TAFA5: variants seen among roughly 807,000 people sequenced by gnomAD.
TAFA5 encodes chemokine-like protein TAFA-5.
A neutral mutation model predicts 15.3 loss-of-function variants in TAFA5; 6 were observed. The ratio of observed to expected loss-of-function variants is 0.39; its 90% CI spans 0.21 to 0.77. TAFA5 has a LOEUF of 0.77. Ranked by LOEUF, TAFA5 falls within the 30% of genes least tolerant of loss-of-function variation. The pLI is 0.41. For missense variants in TAFA5, 161 were observed against 193.1 expected, an observed-to-expected ratio of 0.83 and a Z score of 0.98; for synonymous variants, 103 against 80.7, an observed-to-expected ratio of 1.28 and a Z score of -1.48.
intron 2 of TAFA5, among the ~76,000 whole-genome samples, chr22:48,694,114 A>G (rs1928627422): frequency 6.6e-6 from 1 of 152,206 alleles, no homozygotes; most frequent in African/African-American, 2.4e-5. Context: ...CCTTGGGCAG[A>G]CTTCTTGAGC....
rs549040701 is a variant in TAFA5, at chr22:48,627,066, C to T, written c.113-19531C>T. 7.2e-5 allele frequency among the ~76,000 whole-genome samples: 11 copies of T among 152,322 alleles called. No individual in the cohort carries two copies. The South Asian group carries it at 1.9e-3, about 26-fold the overall frequency. On this transcript the variant is annotated intron_variant, in intron 1 of 3. Transcript: ENST00000402357. ...GCAGCCCCTCCTGGTGATCCTGCAG[C>T]TTCCTCTGTTTCCTGTAATCTGCCG...
rs192562056 is a variant in TAFA5, at chr22:48,643,023, G to T, written c.113-3574G>T. ...CTCATTTGGGGAATGGGACCCTGGG[G>T]TTGGGGTGAGTCCTGGGCCAGCCCC... is the stretch of plus-strand genomic sequence containing the variant. On this transcript the variant is annotated intron_variant, in intron 1 of 3. Transcript: ENST00000402357. Among the ~76,000 whole-genome samples, 85 of 152,320 alleles carry T rather than the reference G, an allele frequency of 5.6e-4. No homozygotes were observed. In the East Asian group the frequency reaches 0.014, roughly 25 times the overall value.
At chr22:48,505,847 C>A (rs1277020958) in intron 1 of TAFA5, among the ~76,000 whole-genome samples, 3 of 152,200 alleles carry the variant, frequency 2.0e-5, no homozygotes, top group Admixed American at 6.5e-5. Flanking sequence ...ACACAGATTA[C>A]AATCTGCAAA....
chr22:48,511,601 C>CA (rs1921213736), intron 1 of TAFA5, among the ~76,000 whole-genome samples: 1 of 152,228 alleles, frequency 6.6e-6, no homozygotes, highest in Non-Finnish European at 1.5e-5. Context: ...CTCCAACAGA[C>CA]AGAGGCGTCT....
At chr22:48,711,349 G>T (rs1385703449) in intron 3 of TAFA5, among the ~76,000 whole-genome samples, 1 of 151,874 alleles carries the variant, frequency 6.6e-6, no homozygotes. Context: ...TGTATACATG[G>T]GCCGCGGATG....
chr22:48,540,596 C>CT (rs35003128), intron 1 of TAFA5, among the ~76,000 whole-genome samples: 8,176 of 144,150 alleles, frequency 0.057, 688 homozygotes, highest in East Asian at 0.42. Flanking sequence ...AGGAGTTTGC[C>CT]TTTTTTTTTT....
intron 1 of TAFA5, among the ~76,000 whole-genome samples, chr22:48,556,305 G>C (rs1923036485): frequency 6.6e-6 from 1 of 152,204 alleles, no homozygotes; most frequent in Non-Finnish European, 1.5e-5. Context: ...CCCCTCTGGG[G>C]TTTGCCAAGC....
chr22:48,521,862 C>T (rs1338947977), intron 1 of TAFA5, among the ~76,000 whole-genome samples: 4 of 152,122 alleles, frequency 2.6e-5, no homozygotes, highest in Admixed American at 2.0e-4. Context: ...GAGTTGACAT[C>T]GGGGCCAGGA....
At chr22:48,528,369 TC>T (rs556659292) in intron 1 of TAFA5, among the ~76,000 whole-genome samples, 163 of 152,108 alleles carry the variant, frequency 1.1e-3, no homozygotes, top group African/African-American at 3.7e-3. Flanking sequence ...GGGGGTCCAT[TC>T]CCCGATGCCT....
rs74783095 is a variant in TAFA5, at chr22:48,712,984, A to G, written c.390+5140A>G. 2.3e-3 allele frequency among the ~76,000 whole-genome samples: 346 copies of G among 152,332 alleles called. 1 individual carries two copies. The highest frequency in any genetic ancestry group is 7.1e-3 in the African/African-American group (296 of 41,570). ...ACCACACATGCAACTGGCTTTTGGAAATATTCTCATCAGTGTTTGCTCAGC... is the reference window on the plus strand; with the variant it reads ...ACCACACATGCAACTGGCTTTTGGAGATATTCTCATCAGTGTTTGCTCAGC... On this transcript the variant is annotated intron_variant, in intron 3 of 3. Transcript: ENST00000402357.
intron 1 of TAFA5, among the ~76,000 whole-genome samples, chr22:48,588,421 G>A (rs1453353156): frequency 6.6e-6 from 1 of 152,194 alleles, no homozygotes; most frequent in African/African-American, 2.4e-5. Context: ...TGCCCGTCCT[G>A]AAAGGCTCTG....
chr22:48,727,588 G>A (rs998992599), intron 3 of TAFA5, among the ~76,000 whole-genome samples: 19 of 152,090 alleles, frequency 1.2e-4, no homozygotes, highest in Admixed American at 5.9e-4. Flanking sequence ...CATAGTGTTC[G>A]GATAGAATGT....
chr22:48,593,243 G>A (rs919035523), intron 1 of TAFA5, among the ~76,000 whole-genome samples: 2 of 152,200 alleles, frequency 1.3e-5, no homozygotes, highest in Admixed American at 6.5e-5. Flanking sequence ...ATAAAGCGGA[G>A]CATTGGAGCT....
intron 1 of TAFA5, among the ~76,000 whole-genome samples, chr22:48,585,301 A>G (rs1462337183): frequency 6.6e-6 from 1 of 151,352 alleles, no homozygotes; most frequent in Non-Finnish European, 1.5e-5. Context: ...CACATAAAAT[A>G]CACCACATAC....
intron 1 of TAFA5, among the ~76,000 whole-genome samples, chr22:48,523,819 G>A (rs1201881612): frequency 6.6e-6 from 1 of 152,218 alleles, no homozygotes; most frequent in Non-Finnish European, 1.5e-5. Flanking sequence ...GCCAGTCTGG[G>A]TGTGGACGCA....
At chr22:48,633,551 T>C (rs867728000) in intron 1 of TAFA5, among the ~76,000 whole-genome samples, 6 of 143,038 alleles carry the variant, frequency 4.2e-5, no homozygotes, top group East Asian at 2.0e-4. Context: ...TCTCTCTCTC[T>C]CTCTCTCCAT....
intron 1 of TAFA5, among the ~76,000 whole-genome samples, chr22:48,504,853 G>C (rs1296801877): frequency 6.6e-6 from 1 of 152,344 alleles, no homozygotes; most frequent in African/African-American, 2.4e-5. Context: ...TGCCAGGGCA[G>C]GGTGGGGCAG....
chr22:48,585,643 A>G (rs1924324081), intron 1 of TAFA5, among the ~76,000 whole-genome samples: 1 of 151,016 alleles, frequency 6.6e-6, no homozygotes, highest in African/African-American at 2.4e-5. Context: ...CATCACACAC[A>G]CACTATGCAT....
chr22:48,655,832 T>TTTTTTTG lies in TAFA5; in HGVS notation c.262+9092_262+9093insGTTTTTT. ...CTTCCTGAAGCCAAACACTGATTCT[T>TTTTTTTG]TTTTTTTTTTTTTTTTTTTTTTTTT... On this transcript the variant is annotated intron_variant, in intron 2 of 3. Transcript: ENST00000402357. Among the ~76,000 whole-genome samples the TTTTTTTG allele has an allele frequency of 9.2e-5, 8 of 86,582 alleles. 3 individuals are homozygous for TTTTTTTG. The highest frequency in any genetic ancestry group is 4.6e-5 in the Non-Finnish European group (2 of 43,614). The allele number at this position is 86,582 out of a possible 152,430, so 56.8% of individuals were successfully genotyped here. A position where few individuals can be genotyped will look rare whatever the true frequency, so the allele number is the denominator to read the frequency against.
Sources: allele counts gnomAD v4.1 joint callset (sites outside exome capture counted in the v4.1 genomes callset), GRCh38; gene constraint gnomAD v4.1.1; transcripts MANE v1.5; gene names NCBI Gene and HGNC (gene_info 2026-07-23, HGNC 2026-07-21).